JPH3: variants seen among roughly 807,000 people sequenced by gnomAD.
The protein encoded by JPH3 is junctophilin 3.
In JPH3, 11 loss-of-function variants were observed where a neutral mutation model predicts 59.6. That is an observed-to-expected ratio of 0.18 (90% CI 0.12 to 0.31). JPH3 has a LOEUF of 0.31. Among genes scored for constraint, JPH3 ranks in the 10% least tolerant of loss-of-function variants. The pLI is 1.00. For missense variants in JPH3, 1,202 were observed against 1,105.7 expected (o/e 1.09, Z -1.24); for synonymous variants, 673 against 483.6 (o/e 1.39, Z -5.14).
Position 87,611,557 on chromosome 16 carries a change from G to A in JPH3, c.382+8029G>A, listed in dbSNP as rs1405106369. 6.6e-6 allele frequency among the ~76,000 whole-genome samples: 1 copy of A among 152,108 alleles called. No individual in the cohort carries two copies. The highest frequency in any genetic ancestry group is 1.5e-5 in the Non-Finnish European group (1 of 68,022). On this transcript the variant is annotated intron_variant, in intron 1 of 4. Coordinates refer to ENST00000284262, the MANE Select transcript of JPH3 (RefSeq NM_020655.4). The surrounding 1 kb of genome is among the most constrained non-coding windows in gnomAD (Gnocchi z 4.5). ...TTCTGGACCCAGGGAAGGCTCGCTG[G>A]TGCAAATGCTTTCCAAAAACACCGA...
At chr16:87,695,659 T>C (rs1257807354) in intron 4 of JPH3, 1 of 455,962 alleles carries the variant, frequency 2.2e-6, no homozygotes, top group East Asian at 7.0e-5. Flanking sequence ...GTGCAGCAGG[T>C]ACTGTATCTG....
intron 2 of JPH3, among the ~76,000 whole-genome samples, chr16:87,648,077 G>T (rs2032211753): frequency 2.0e-5 from 3 of 152,182 alleles, no homozygotes; most frequent in Admixed American, 2.0e-4. Flanking sequence ...CCCCAGCCCT[G>T]CTGTGACAGG....
intron 2 of JPH3, among the ~76,000 whole-genome samples, chr16:87,672,054 C>T (rs1237640550): frequency 6.6e-6 from 1 of 152,072 alleles, no homozygotes; most frequent in Non-Finnish European, 1.5e-5. Flanking sequence ...AGATGCGGTG[C>T]CCTCGCTCAA....
chr16:87,644,977 G>A lies in JPH3; in HGVS notation c.1102G>A (p.Glu368Lys). Reference sequence around the variant, plus strand: ...CCGCGAGAAGGTGGACCGCGCCGTTGAGGCCGCTGAGCGGGCCGCCACCAT... The same window carrying A: ...CCGCGAGAAGGTGGACCGCGCCGTTAAGGCCGCTGAGCGGGCCGCCACCAT... ...KIREKVDRAV[E>K]AAERAATIAK... The change falls in exon 2 of 5, where the codon GAG (glutamate) becomes AAG (lysine). Residue 368 changes from glutamate to lysine, a missense_variant. By Grantham distance (56) the Glu-to-Lys change is moderately conservative (BLOSUM62 1). Coordinates refer to ENST00000284262, the MANE Select transcript of JPH3 (RefSeq NM_020655.4). 6.2e-7 allele frequency: 1 copy of A among 1,609,766 alleles called. No homozygotes were observed. The highest frequency in any genetic ancestry group is 8.5e-7 in the Non-Finnish European group (1 of 1,179,796).
At chr16:87,607,892 G>A (rs182958840) in intron 1 of JPH3, among the ~76,000 whole-genome samples, 39 of 152,358 alleles carry the variant, frequency 2.6e-4, no homozygotes, top group Admixed American at 1.6e-3. Context: ...TTCTCTTTCC[G>A]CTACTTCGGG....
intron 1 of JPH3, among the ~76,000 whole-genome samples, chr16:87,627,108 C>T (rs574446588): frequency 3.7e-4 from 56 of 152,284 alleles, no homozygotes; most frequent in Non-Finnish European, 6.8e-4. Flanking sequence ...GTCTCTGGGC[C>T]GGGGGGCGAG....
At chr16:87,606,521 A>G (rs559574056) in intron 1 of JPH3, among the ~76,000 whole-genome samples, 97 of 152,244 alleles carry the variant, frequency 6.4e-4, no homozygotes, top group African/African-American at 2.3e-3. Context: ...GCTTCCAGTC[A>G]CAACCCCAGC....
chr16:87,665,800 A>C (rs1450149319), intron 2 of JPH3, among the ~76,000 whole-genome samples: 3 of 152,314 alleles, frequency 2.0e-5, no homozygotes, highest in Admixed American at 6.5e-5. Context: ...CTCTTTGATG[A>C]GGCCGATGGG....
chr16:87,614,735 G>A (rs2562063), intron 1 of JPH3, among the ~76,000 whole-genome samples: 25,828 of 130,150 alleles, frequency 0.2, 1,872 homozygotes, highest in Non-Finnish European at 0.29. Flanking sequence ...ACGAGGAGCC[G>A]CGCGTCCCCT....
intron 4 of JPH3, chr16:87,695,071 G>A (rs761884778): frequency 4.4e-5 from 15 of 344,662 alleles, no homozygotes; most frequent in Non-Finnish European, 8.0e-5. Flanking sequence ...TTAGGCCTGG[G>A]AGTGGAACTG....
chr16:87,647,769 G>A (rs1431351308), intron 2 of JPH3, among the ~76,000 whole-genome samples: 1 of 152,206 alleles, frequency 6.6e-6, no homozygotes, highest in Non-Finnish European at 1.5e-5. Context: ...GTGGAGCCAG[G>A]GTGTACGGCT....
rs959037627 is a variant in JPH3 at position 87,643,109 on chromosome 16, C to T, written c.383-1149C>T. Among the ~76,000 whole-genome samples, 129 of 152,190 alleles carry T rather than the reference C, an allele frequency of 8.5e-4. 1 individual carries two copies. The highest frequency in any genetic ancestry group is 3.0e-3 in the African/African-American group (126 of 41,444). On this transcript the variant is annotated intron_variant, in intron 1 of 4. Transcript: ENST00000284262. ...TTCTGCATCTCTGAGCGTGACTACTCTAAGGACCCCGTGTACATGGAATCA... is the reference window on the plus strand; with the variant it reads ...TTCTGCATCTCTGAGCGTGACTACTTTAAGGACCCCGTGTACATGGAATCA...
chr16:87,605,246 C>T (rs915890653), intron 1 of JPH3, among the ~76,000 whole-genome samples: 1 of 152,226 alleles, frequency 6.6e-6, no homozygotes, highest in African/African-American at 2.4e-5. Flanking sequence ...CTCTGAAACT[C>T]CTCAGAATAT....
At chr16:87,605,064 C>G (rs2030466570) in intron 1 of JPH3, 1 of 410,856 alleles carries the variant, frequency 2.4e-6, no homozygotes, top group Non-Finnish European at 5.0e-6. Flanking sequence ...CAGCCTGGCG[C>G]TTCCAGCTGG....
chr16:87,681,993 G>C (rs577645141), intron 2 of JPH3, among the ~76,000 whole-genome samples: 1 of 152,094 alleles, frequency 6.6e-6, no homozygotes, highest in Non-Finnish European at 1.5e-5. Flanking sequence ...CTTGTGGCGG[G>C]GGGTCATGCA....
At chr16:87,637,824 C>T (rs2031806744) in intron 1 of JPH3, among the ~76,000 whole-genome samples, 1 of 152,134 alleles carries the variant, frequency 6.6e-6, no homozygotes, top group African/African-American at 2.4e-5. Flanking sequence ...TGTTCCCATG[C>T]CGAGCTCCAG....
intron 1 of JPH3, among the ~76,000 whole-genome samples, chr16:87,610,480 C>T (rs1252079741): frequency 2.0e-5 from 3 of 152,138 alleles, no homozygotes; most frequent in Non-Finnish European, 2.9e-5. Flanking sequence ...GGTGCTGGCA[C>T]GTGGTGGTCA....
intron 2 of JPH3, 23 bp downstream of exon 2, chr16:87,645,058 G>C (rs752534323): frequency 2.0e-5 from 31 of 1,581,762 alleles, no homozygotes; most frequent in Non-Finnish European, 2.5e-5. Flanking sequence ...GGGGGCGGGG[G>C]GCCCTTCTTG....
rs1391528673 is a variant in JPH3 at position 87,696,858 on chromosome 16, A to T, written c.*198A>T. 3.4e-6 allele frequency: 2 copies of T among 590,548 alleles called. No individual in the cohort carries two copies. Among genetic ancestry groups the T allele is most frequent in the East Asian group, 2.9e-5 (1 of 34,376 alleles). The allele number at this position is 590,548 out of a possible 1,614,324, so 36.6% of individuals were successfully genotyped here. A position where few individuals can be genotyped will look rare whatever the true frequency, so the allele number is the denominator to read the frequency against. ...GTAATGTTTTTTGGATTTTAGCCAA[A>T]ATTCTTTGCTTGTATAACACTCTGC... On this transcript the variant is annotated 3_prime_UTR_variant, in exon 5 of 5. Transcript: ENST00000284262.
Sources: allele counts gnomAD v4.1 joint callset (sites outside exome capture counted in the v4.1 genomes callset), GRCh38; gene constraint gnomAD v4.1.1; non-coding constraint Gnocchi (gnomAD v3.1); transcripts MANE v1.5; gene names NCBI Gene and HGNC (gene_info 2026-07-23, HGNC 2026-07-21).